MRC1: variants seen among roughly 807,000 people sequenced by gnomAD.
The protein encoded by MRC1 is macrophage mannose receptor 1.
Under a neutral mutation model 102.9 loss-of-function variants are expected in MRC1, and 62 were observed. That is an observed-to-expected ratio of 0.60 (90% CI 0.49 to 0.74). The LOEUF (loss-of-function observed/expected upper bound fraction) is 0.74, where lower values mean the gene tolerates loss of function less well. MRC1 is among the 30% of genes least tolerant of loss of function. MRC1 has a pLI of 0.00. For synonymous variants in MRC1, 457 were observed against 298.4 expected (o/e 1.53, Z -5.48); for missense variants, 1,237 against 862.8 (o/e 1.43, Z -5.43).
At chr10:17,859,274 G>A (rs1465453139) in intron 9 of MRC1, among the ~76,000 whole-genome samples, 1 of 152,062 alleles carries the variant, frequency 6.6e-6, no homozygotes, top group Non-Finnish European at 1.5e-5. Context: ...ATTATGTTCA[G>A]TTGTTGACTC....
chr10:17,813,749 G>A (rs1838263936), intron 1 of MRC1, among the ~76,000 whole-genome samples: 1 of 148,502 alleles, frequency 6.7e-6, no homozygotes, highest in South Asian at 2.1e-4. Context: ...CCAGGCTGGA[G>A]TGCAGTGGCA....
At chr10:17,887,418 A>G (rs1426794663) in intron 22 of MRC1, among the ~76,000 whole-genome samples, 2 of 152,120 alleles carry the variant, frequency 1.3e-5, no homozygotes, top group Non-Finnish European at 2.9e-5. Context: ...AACAAAACAA[A>G]CAAACAAAAA....
chr10:17,814,426 T>C (rs1838274560), intron 1 of MRC1, among the ~76,000 whole-genome samples: 1 of 152,312 alleles, frequency 6.6e-6, no homozygotes, highest in African/African-American at 2.4e-5. Flanking sequence ...GCAGATAATA[T>C]GCTGGGTGCT....
chr10:17,905,965 G>A (rs1009725831), intron 26 of MRC1, among the ~76,000 whole-genome samples: 27 of 152,252 alleles, frequency 1.8e-4, no homozygotes, highest in Admixed American at 1.0e-3. Flanking sequence ...ATGCTTAAAA[G>A]ATATTAGTTA....
At chr10:17,835,299 A>T (rs1245680141) in intron 4 of MRC1, among the ~76,000 whole-genome samples, 1 of 152,232 alleles carries the variant, frequency 6.6e-6, no homozygotes, top group Admixed American at 6.5e-5. Context: ...CCTTGACAAC[A>T]CTATAAATAC....
chr10:17,812,754 G>A (rs1838244369), intron 1 of MRC1, among the ~76,000 whole-genome samples: 1 of 151,976 alleles, frequency 6.6e-6, no homozygotes, highest in Non-Finnish European at 1.5e-5. Context: ...TCTATTTTTA[G>A]TAGAGATGGG....
At position 17,863,649 on chromosome 10, in the gene MRC1, G is replaced by T; in HGVS notation, c.1750G>T (p.Val584Phe). ...GTFQWTIEEE[V>F]RFTHWNSDMP... ...TTTTCAGTGGACCATCGAGGAAGAG[G>T]TTCGGTTCACCCACTGGAATTCAGA... The change falls in exon 11 of 30, where the codon GTT becomes TTT. Residue 584 changes from valine (V) to phenylalanine (F), a missense_variant. By Grantham distance (50) the Val-to-Phe change is conservative. Transcript: ENST00000569591. 1.3e-6 allele frequency: 1 copy of T among 780,836 alleles called. No homozygotes were observed. Among genetic ancestry groups the T allele is most frequent in the Non-Finnish European group, 2.4e-6 (1 of 417,956 alleles). 48.4% of individuals were successfully genotyped at this position (780,836 alleles called of 1,614,324 possible). A position where few individuals can be genotyped will look rare whatever the true frequency, so the allele number is the denominator to read the frequency against.
chr10:17,875,400 CTT>C, intron 17 of MRC1, 147 bp downstream of exon 17: 2 of 669,142 alleles, frequency 3.0e-6, no homozygotes, highest in Non-Finnish European at 5.4e-6. Flanking sequence ...AATGTGTAGT[CTT>C]TTATCCCTCA....
intron 4 of MRC1, among the ~76,000 whole-genome samples, chr10:17,836,917 A>T (rs1055256603): frequency 2.6e-5 from 4 of 151,912 alleles, no homozygotes; most frequent in Admixed American, 2.6e-4. Flanking sequence ...GTTTCAGTTG[A>T]TGTGTTTTTG....
chr10:17,851,972 A>G (rs1838924261), intron 7 of MRC1, among the ~76,000 whole-genome samples: 1 of 152,238 alleles, frequency 6.6e-6, no homozygotes, highest in African/African-American at 2.4e-5. Context: ...TACTTTGGCA[A>G]CTAATTTTAT....
At chr10:17,884,087 C>CT (rs1401346416) in intron 21 of MRC1, among the ~76,000 whole-genome samples, 3 of 152,176 alleles carry the variant, frequency 2.0e-5, no homozygotes, top group Non-Finnish European at 4.4e-5. Flanking sequence ...CTGCCTCAGC[C>CT]TTTTGAGAAG....
chr10:17,835,433 A>T (rs1405821462), intron 4 of MRC1, among the ~76,000 whole-genome samples: 10 of 152,212 alleles, frequency 6.6e-5, no homozygotes, highest in African/African-American at 2.4e-4. Context: ...CATGCAGCTT[A>T]AAAGTCCAAT....
At chr10:17,876,401 C>A (rs949725652) in intron 17 of MRC1, among the ~76,000 whole-genome samples, 1 of 152,062 alleles carries the variant, frequency 6.6e-6, no homozygotes, top group African/African-American at 2.4e-5. Flanking sequence ...GCGCACACCA[C>A]CATGCCTGGC....
intron 11 of MRC1, among the ~76,000 whole-genome samples, chr10:17,864,183 A>C (rs890744346): frequency 6.6e-6 from 1 of 151,914 alleles, no homozygotes; most frequent in Non-Finnish European, 1.5e-5. Context: ...TTGTGTTTTT[A>C]GTAGAGATGG....
intron 1 of MRC1, among the ~76,000 whole-genome samples, chr10:17,813,279 C>T (rs2130570371): frequency 6.6e-6 from 1 of 152,256 alleles, no homozygotes; most frequent in Non-Finnish European, 1.5e-5. Flanking sequence ...GCGGGTCTCA[C>T]ATTTGGCTGG....
At position 17,881,118 on chromosome 10, in the gene MRC1, G is replaced by T. The variant is rs1226082633; in HGVS notation, c.2917G>T (p.Ala973Ser). The change falls in exon 21 of 30, where the codon GCA becomes TCA. Residue 973 changes from alanine (A) to serine (S), a missense_variant. Physicochemically the swap from Ala to Ser is moderately conservative, Grantham distance 99 (BLOSUM62 1). Coordinates refer to ENST00000569591, the MANE Select transcript of MRC1 (RefSeq NM_002438.4). ...AGAAGAAAGAAAAAATTGGCAAGAG[G>T]CACGAAAAGCTTGTATAGGCTTTGG... is the stretch of plus-strand genomic sequence containing the variant. ...MEEERKNWQEARKACIGFGGN... is the reference protein window; with the variant it reads ...MEEERKNWQESRKACIGFGGN... 1.4e-5 allele frequency: 11 copies of T among 780,632 alleles called. No homozygotes were observed. The highest frequency in any genetic ancestry group is 2.2e-5 in the Non-Finnish European group (9 of 417,946). The allele number at this position is 780,632 out of a possible 1,614,324, so 48.4% of individuals were successfully genotyped here.
At chr10:17,826,353 C>T (rs1838475586) in intron 2 of MRC1, among the ~76,000 whole-genome samples, 1 of 152,132 alleles carries the variant, frequency 6.6e-6, no homozygotes, top group African/African-American at 2.4e-5. Flanking sequence ...CAGGTGCCTG[C>T]CACCATGCCC....
intron 4 of MRC1, among the ~76,000 whole-genome samples, chr10:17,838,478 A>G (rs1247695198): frequency 6.6e-6 from 1 of 152,070 alleles, no homozygotes; most frequent in Non-Finnish European, 1.5e-5. Context: ...AGATATAGGA[A>G]GTGAAATTTG....
At chr10:17,881,772 C>T (rs1015434131) in intron 21 of MRC1, among the ~76,000 whole-genome samples, 5 of 141,984 alleles carry the variant, frequency 3.5e-5, no homozygotes, top group Non-Finnish European at 6.0e-5. Context: ...AATCCTCTTG[C>T]CTCAGCTTCC....
Sources: gnomAD v4.1 joint callset for allele counts (sites outside exome capture counted in the v4.1 genomes callset) on GRCh38, gnomAD v4.1.1 for gene constraint, MANE v1.5 for transcripts, NCBI Gene and HGNC (gene_info 2026-07-23, HGNC 2026-07-21) for gene names.